Variants in PTPRD observed in about 807,000 individuals in gnomAD.
PTPRD encodes the protein protein tyrosine phosphatase receptor type D, also known as receptor-type tyrosine-protein phosphatase delta.
A neutral mutation model predicts 214.5 loss-of-function variants in PTPRD; 34 were observed. The observed-to-expected ratio is 0.16, with a 90% CI of 0.12 to 0.21. PTPRD has a LOEUF of 0.21. Ranked by LOEUF, PTPRD falls within the 10% of genes least tolerant of loss-of-function variation. The pLI, the probability that PTPRD is intolerant of heterozygous loss-of-function variation, is 1.00. For synonymous variants in PTPRD, 1,128 were observed against 845.7 expected, an observed-to-expected ratio of 1.33 and a Z score of -5.79; for missense variants, 2,545 against 2,398.7, an observed-to-expected ratio of 1.06 and a Z score of -1.27.
intron 10 of PTPRD, among the ~76,000 whole-genome samples, chr9:9,024,391 C>T (rs1415704117): frequency 1.5e-5 from 2 of 134,204 alleles, no homozygotes; most frequent in African/African-American, 5.7e-5. Context: ...TTGTGATAAA[C>T]ATCCTTCAGG....
intron 7 of PTPRD, among the ~76,000 whole-genome samples, chr9:9,660,099 A>C (rs1211128150): frequency 6.6e-6 from 1 of 152,036 alleles, no homozygotes; most frequent in Non-Finnish European, 1.5e-5. Context: ...TTGTAAAGCT[A>C]TTGGCCTAAT....
chr9:9,100,776 T>A (rs1419827466), intron 10 of PTPRD, among the ~76,000 whole-genome samples: 3 of 152,110 alleles, frequency 2.0e-5, no homozygotes, highest in Admixed American at 6.6e-5. Flanking sequence ...AGTATTAGAA[T>A]CTAGATATAA....
chr9:9,843,371 G>A (rs2058776400), intron 5 of PTPRD, among the ~76,000 whole-genome samples: 1 of 151,890 alleles, frequency 6.6e-6, no homozygotes, highest in South Asian at 2.1e-4. Flanking sequence ...AGCCATAAAT[G>A]CTAAGCACAC....
At chr9:10,218,965 G>A (rs930299010) in intron 3 of PTPRD, among the ~76,000 whole-genome samples, 1 of 151,638 alleles carries the variant, frequency 6.6e-6, no homozygotes, top group African/African-American at 2.4e-5. Context: ...TTAAAAGTAA[G>A]AAGAAAAAAT....
chr9:10,075,457 T>C (rs1449301749), intron 3 of PTPRD, among the ~76,000 whole-genome samples: 2 of 151,996 alleles, frequency 1.3e-5, no homozygotes, highest in African/African-American at 4.8e-5. Context: ...GATATAACTT[T>C]TTATAACTTA....
At chr9:10,206,765 A>T (rs1052899591) in intron 3 of PTPRD, among the ~76,000 whole-genome samples, 1 of 152,160 alleles carries the variant, frequency 6.6e-6, no homozygotes, top group Non-Finnish European at 1.5e-5. Context: ...TCATAGCAGA[A>T]AGTTAAAGAA....
chr9:8,812,677 A>C (rs779649455), intron 11 of PTPRD, among the ~76,000 whole-genome samples: 25 of 152,068 alleles, frequency 1.6e-4, no homozygotes, highest in Non-Finnish European at 2.6e-4. Context: ...CAAAGGAATT[A>C]GCCAATGCCA....
chr9:9,592,195 A>T (rs2092801870), intron 7 of PTPRD, among the ~76,000 whole-genome samples: 1 of 152,112 alleles, frequency 6.6e-6, no homozygotes, highest in South Asian at 2.1e-4. Context: ...ACACCAATAA[A>T]GCATATAAAA....
chr9:9,446,280 C>A (rs1048157054), intron 8 of PTPRD, among the ~76,000 whole-genome samples: 1 of 152,098 alleles, frequency 6.6e-6, no homozygotes, highest in African/African-American at 2.4e-5. Context: ...TCTGTCCTCC[C>A]AAGTGTTGAG....
intron 3 of PTPRD, among the ~76,000 whole-genome samples, chr9:10,130,092 C>T (rs945050953): frequency 1.3e-5 from 2 of 151,690 alleles, no homozygotes; most frequent in Non-Finnish European, 2.9e-5. Flanking sequence ...TTCAGACACC[C>T]TCAATGGCTC....
At chr9:9,966,845 G>T (rs371133222) in intron 4 of PTPRD, among the ~76,000 whole-genome samples, 18 of 152,216 alleles carry the variant, frequency 1.2e-4, no homozygotes, top group African/African-American at 3.9e-4. Flanking sequence ...AAAACTGGCT[G>T]TTTCTAGCCA....
chr9:9,653,896 C>T (rs2096442617), intron 7 of PTPRD, among the ~76,000 whole-genome samples: 1 of 152,042 alleles, frequency 6.6e-6, no homozygotes, highest in Non-Finnish European at 1.5e-5. Flanking sequence ...TTATTATTTT[C>T]AATGGAAGGC....
intron 4 of PTPRD, among the ~76,000 whole-genome samples, chr9:9,961,554 T>C (rs1274067360): frequency 6.6e-6 from 1 of 152,178 alleles, no homozygotes; most frequent in Non-Finnish European, 1.5e-5. Flanking sequence ...GCAATTGGTG[T>C]GCTTCATTTT....
At chr9:8,383,768 G>A (rs1211340440) in intron 37 of PTPRD, among the ~76,000 whole-genome samples, 1 of 152,096 alleles carries the variant, frequency 6.6e-6, no homozygotes. Flanking sequence ...TTTACAAACA[G>A]CTCTTTAAGT....
At chr9:8,360,864 C>A (rs761011387) in intron 39 of PTPRD, among the ~76,000 whole-genome samples, 93 of 152,236 alleles carry the variant, frequency 6.1e-4, no homozygotes, top group Non-Finnish European at 1.1e-3. Flanking sequence ...GGCTGAGAAA[C>A]CCTGCTGTAA....
chr9:10,584,167 C>G, intron 2 of PTPRD, among the ~76,000 whole-genome samples: 1 of 149,148 alleles, frequency 6.7e-6, no homozygotes, highest in East Asian at 2.0e-4. Context: ...TCTAGCATGA[C>G]TGGCATGACA....
chr9:9,571,621 T>C (rs992797799), intron 8 of PTPRD, among the ~76,000 whole-genome samples: 1 of 151,146 alleles, frequency 6.6e-6, no homozygotes, highest in Non-Finnish European at 1.5e-5. Flanking sequence ...CATTTAGGCT[T>C]AAAGTAAAAT....
At chr9:10,168,493 C>T (rs970369364) in intron 3 of PTPRD, among the ~76,000 whole-genome samples, 1 of 152,174 alleles carries the variant, frequency 6.6e-6, no homozygotes, top group Non-Finnish European at 1.5e-5. Flanking sequence ...GCTCTTATTC[C>T]TAACATTTGC....
At position 8,827,265 on chromosome 9, in the gene PTPRD, G is replaced by C. The variant is rs115053165; in HGVS notation, c.-103-93319C>G. ...TCCCCCAAACCTAGGGAAATCTATG[G>C]TAAATAGATACGTGACTCAACCCAT... On this transcript the variant is annotated intron_variant, in intron 11 of 45. Coordinates refer to ENST00000381196, the MANE Select transcript of PTPRD (RefSeq NM_002839.4). 5.9e-3 allele frequency among the ~76,000 whole-genome samples: 898 copies of C among 152,106 alleles called. 10 individuals carry two copies. Among genetic ancestry groups the C allele is most frequent in the African/African-American group, 0.021 (858 of 41,470 alleles).
Sources: gnomAD v4.1 joint callset for allele counts (sites outside exome capture counted in the v4.1 genomes callset) on GRCh38, gnomAD v4.1.1 for gene constraint, MANE v1.5 for transcripts, NCBI Gene and HGNC (gene_info 2026-07-23, HGNC 2026-07-21) for gene names.